ASTN2: variants seen among roughly 807,000 people sequenced by gnomAD.
ASTN2 encodes the protein astrotactin 2, also known as astrotactin-2.
In ASTN2, 54 loss-of-function variants were observed where a neutral mutation model predicts 139.8. That is an observed-to-expected ratio of 0.39 (90% confidence interval 0.31 to 0.48). The LOEUF is 0.48. Ranked by LOEUF, ASTN2 falls within the 20% of genes least tolerant of loss-of-function variation. The probability of loss-of-function intolerance (pLI) is 0.95; values close to 1 mark genes in which losing one functional copy is unlikely to be tolerated. For missense variants in ASTN2, 1,565 were observed against 1,725.1 expected (o/e 0.91, Z 1.64); for synonymous variants, 756 against 719.5 (o/e 1.05, Z -0.81).
chr9:117,144,074 T>G lies in ASTN2; in HGVS notation c.1016-2596A>C, dbSNP rs117279696. On this transcript the variant is annotated intron_variant, in intron 3 of 22. Transcript: ENST00000313400. Reference sequence around the variant, plus strand: ...AAGTCATAAGAGTGGGATCCCAATCTGATAGGATAGGTGGCCTTATAAACA... The same window carrying G: ...AAGTCATAAGAGTGGGATCCCAATCGGATAGGATAGGTGGCCTTATAAACA... Among the ~76,000 whole-genome samples, 543 of 152,264 alleles carry G rather than the reference T, an allele frequency of 3.6e-3. 14 individuals carry two copies. The East Asian group carries it at 0.062, about 18-fold the overall frequency.
In ASTN2 at chr9:116,648,363, C is replaced by T. The variant is rs557024708; in HGVS notation, c.3072+3165G>A. 5.9e-5 allele frequency among the ~76,000 whole-genome samples: 9 copies of T among 152,168 alleles called. No homozygotes were observed. The South Asian group carries it at 1.9e-3, about 32-fold the overall frequency. On this transcript the variant is annotated intron_variant, in intron 17 of 22. Coordinates refer to ENST00000313400, the MANE Select transcript of ASTN2 (RefSeq NM_001365068.1). ...CCAGGCTGGTCTTGAACCCACTGGG[C>T]TCAAGCTATCCTCTCACCTCAGGCT... is the stretch of plus-strand genomic sequence containing the variant.
At chr9:116,485,904 G>A (rs1170721531) in intron 20 of ASTN2, among the ~76,000 whole-genome samples, 2 of 152,190 alleles carry the variant, frequency 1.3e-5, no homozygotes, top group Non-Finnish European at 2.9e-5. Context: ...TGTTCAAAAG[G>A]GTGAGGAAGA....
chr9:116,893,512 T>A (rs1183962257), intron 10 of ASTN2, among the ~76,000 whole-genome samples: 1 of 152,174 alleles, frequency 6.6e-6, no homozygotes, highest in African/African-American at 2.4e-5. Context: ...CACAGGTCAC[T>A]GACTCTTCCA....
Position 117,289,811 on chromosome 9 carries a change from T to C in ASTN2, c.630+1515A>G, listed in dbSNP as rs1439836097. 3.9e-5 allele frequency among the ~76,000 whole-genome samples: 6 copies of C among 152,302 alleles called. No homozygotes were observed. The East Asian group carries it at 1.2e-3, about 29-fold the overall frequency. On this transcript the variant is annotated intron_variant, in intron 2 of 22. Transcript: ENST00000313400. ...TTGCTAAATATACATATGGAAAAAGTCTATCACACTCATTCCATGAATAAC... is the reference window on the plus strand; with the variant it reads ...TTGCTAAATATACATATGGAAAAAGCCTATCACACTCATTCCATGAATAAC...
intron 11 of ASTN2, among the ~76,000 whole-genome samples, chr9:116,840,053 T>C (rs1021720876): frequency 1.4e-5 from 2 of 147,968 alleles, no homozygotes; most frequent in African/African-American, 2.6e-5. Context: ...CCCTGGGTAC[T>C]TGAGATTAGG....
chr9:116,425,966 T>G lies in ASTN2; in HGVS notation c.3905A>C (p.Glu1302Ala), dbSNP rs1035036410. 3.1e-6 allele frequency: 5 copies of G among 1,614,002 alleles called. No homozygotes were observed. The highest frequency in any genetic ancestry group is 1.3e-5 in the African/African-American group (1 of 74,910). ...TVPYLFCRSE[E>A]VRPAGMVWYS... is the part of the protein sequence containing the mutation. ...CCACACCATGCCTGCAGGCCGGACC[T>G]CCTCGCTGCGGCAGAAAAGATAGGG... The change falls in exon 23 of 23, where the codon GAG (glutamate) becomes GCG (alanine). Residue 1302 changes from glutamate to alanine, a missense_variant. This residue lies in a region of ASTN2 where 418 missense variants were observed against 465.8 expected (regional missense o/e 0.90). Transcript: ENST00000313400.
At chr9:117,125,394 G>A (rs1433577771) in intron 4 of ASTN2, among the ~76,000 whole-genome samples, 1 of 152,130 alleles carries the variant, frequency 6.6e-6, no homozygotes, top group Admixed American at 6.5e-5. Context: ...TTTGTGATCT[G>A]TTGCAGCTGC....
In ASTN2 at chr9:116,998,984, G is replaced by A. The variant is rs1588469246; in HGVS notation, c.1591+9108C>T. On this transcript the variant is annotated intron_variant, in intron 7 of 22. Transcript: ENST00000313400. ...AATCTGTAAACATTAGAAATATTTA[G>A]TACAATATAAGATTGCTATATGACA... is the stretch of plus-strand genomic sequence containing the variant. Among the ~76,000 whole-genome samples, 2 of 152,234 alleles carry A rather than the reference G, an allele frequency of 1.3e-5. 1 individual carries two copies. The highest frequency in any genetic ancestry group is 4.1e-4 in the South Asian group (2 of 4,828).
chr9:117,214,487 C>T lies in ASTN2; in HGVS notation c.886G>A (p.Glu296Lys), dbSNP rs1355251942. 1.2e-6 allele frequency: 2 copies of T among 1,614,212 alleles called. No individual in the cohort carries two copies. The highest frequency in any genetic ancestry group is 1.7e-6 in the Non-Finnish European group (2 of 1,180,028). ...ETPILDDYDC[E>K]EDEEPPRRAN... is the part of the protein sequence containing the mutation. ...CGCCTAGGTGGCTCCTCATCCTCCT[C>T]ACAGTCATAGTCATCCAGGATGGGA... The change falls in exon 3 of 23, where the codon GAG becomes AAG. Residue 296 changes from glutamate (E) to lysine (K), a missense_variant. Physicochemically the swap from Glu to Lys is moderately conservative, Grantham distance 56. Coordinates refer to ENST00000313400, the MANE Select transcript of ASTN2 (RefSeq NM_001365068.1).
At chr9:117,092,436 T>C (rs974068788) in intron 5 of ASTN2, among the ~76,000 whole-genome samples, 1 of 152,140 alleles carries the variant, frequency 6.6e-6, no homozygotes, top group Non-Finnish European at 1.5e-5. Context: ...AGAAACGTGG[T>C]GGCAAAGCCA....
At chr9:117,401,258 T>C (rs1191871021) in intron 1 of ASTN2, among the ~76,000 whole-genome samples, 2 of 152,140 alleles carry the variant, frequency 1.3e-5, no homozygotes, top group Non-Finnish European at 2.9e-5. Flanking sequence ...GCTACGTAGC[T>C]GAGGGAGCAA....
intron 11 of ASTN2, among the ~76,000 whole-genome samples, chr9:116,852,163 C>T (rs1275909436): frequency 2.6e-5 from 4 of 152,160 alleles, no homozygotes; most frequent in Non-Finnish European, 5.9e-5. Context: ...TACTAAGTTT[C>T]CTAGCTCAAC....
intron 5 of ASTN2, among the ~76,000 whole-genome samples, chr9:117,071,824 C>T (rs1002971250): frequency 6.6e-6 from 1 of 152,094 alleles, no homozygotes; most frequent in Non-Finnish European, 1.5e-5. Flanking sequence ...AACTCCCTGA[C>T]CCCTTGCGCT....
chr9:116,638,584 G>T (rs1179945656), intron 17 of ASTN2, among the ~76,000 whole-genome samples: 3 of 150,468 alleles, frequency 2.0e-5, no homozygotes, highest in Admixed American at 1.3e-4. Context: ...TAACTACACA[G>T]TTACAAGAAA....
intron 1 of ASTN2, among the ~76,000 whole-genome samples, chr9:117,342,310 C>T (rs1030206720): frequency 5.3e-5 from 8 of 152,116 alleles, no homozygotes; most frequent in African/African-American, 1.9e-4. Flanking sequence ...GCCACTTAGC[C>T]TCACTGAAAC....
intron 20 of ASTN2, among the ~76,000 whole-genome samples, chr9:116,459,319 C>T (rs1848418452): frequency 6.6e-6 from 1 of 151,956 alleles, no homozygotes; most frequent in African/African-American, 2.4e-5. Context: ...AAGAAGAAGA[C>T]ATAAGAGAAA....
At chr9:117,014,979 AG>A (rs1302166061) in intron 6 of ASTN2, among the ~76,000 whole-genome samples, 2 of 152,110 alleles carry the variant, frequency 1.3e-5, no homozygotes, top group Admixed American at 6.6e-5. Flanking sequence ...TGGCAGCCCT[AG>A]CAAATTACCT....
At chr9:117,225,535 G>GTATGTGTATA (rs369914209) in intron 2 of ASTN2, among the ~76,000 whole-genome samples, 1 of 63,960 alleles carries the variant, frequency 1.6e-5, no homozygotes, top group African/African-American at 4.4e-5. Context: ...CAAGCTGTAT[G>GTATGTGTATA]TATATATATA....
At position 117,404,167 on chromosome 9, in the gene ASTN2, T is replaced by C. The variant is rs112394861; in HGVS notation, c.442+10330A>G. 5.7e-3 allele frequency among the ~76,000 whole-genome samples: 867 copies of C among 152,342 alleles called. 8 individuals carry two copies. The highest frequency in any genetic ancestry group is 0.02 in the African/African-American group (820 of 41,578). On this transcript the variant is annotated intron_variant, in intron 1 of 22. Coordinates refer to ENST00000313400, the MANE Select transcript of ASTN2 (RefSeq NM_001365068.1). ...AAAAAGTTAGCACAGTGCCCAGTGC[T>C]GACTAAAATGTGGTTATGGAGGGCT...
Sources: allele counts gnomAD v4.1 joint callset (sites outside exome capture counted in the v4.1 genomes callset), GRCh38; gene constraint gnomAD v4.1.1; regional missense constraint gnomAD v4.1.1; transcripts MANE v1.5; gene names NCBI Gene and HGNC (gene_info 2026-07-23, HGNC 2026-07-21).